The following MAP4K3 variants were observed in gnomAD, a reference collection of about 807,000 sequenced individuals.
MAP4K3 encodes the protein mitogen-activated protein kinase kinase kinase kinase 3, also known as MAPK/ERK kinase kinase kinase 3.
A neutral mutation model predicts 143.5 loss-of-function variants in MAP4K3; 94 were observed. The observed-to-expected ratio is 0.65, with a 90% confidence interval of 0.55 to 0.78. The LOEUF is 0.78. Ranked by LOEUF, MAP4K3 falls within the 30% of genes least tolerant of loss-of-function variation. The pLI is 0.00. For missense variants in MAP4K3, 1,077 were observed against 1,068.1 expected, an observed-to-expected ratio of 1.01 and a Z score of -0.12; for synonymous variants, 416 against 347.2, an observed-to-expected ratio of 1.20 and a Z score of -2.20.
intron 1 of MAP4K3, among the ~76,000 whole-genome samples, chr2:39,418,723 CAT>C (rs1208957116): frequency 1.3e-5 from 2 of 150,372 alleles, no homozygotes; most frequent in African/African-American, 4.9e-5. Flanking sequence ...GCAATCTAAC[CAT>C]GAGAAAAAAA....
intron 1 of MAP4K3, among the ~76,000 whole-genome samples, chr2:39,414,672 G>A (rs895652619): frequency 2.6e-5 from 4 of 152,086 alleles, no homozygotes; most frequent in Admixed American, 1.3e-4. Context: ...TCAGGAGATC[G>A]AGACCATCCT....
chr2:39,361,302 C>T (rs947678901), intron 2 of MAP4K3, among the ~76,000 whole-genome samples: 3 of 151,924 alleles, frequency 2.0e-5, no homozygotes, highest in African/African-American at 4.8e-5. Flanking sequence ...CAATTCTATG[C>T]CCCCTTACTC....
chr2:39,325,632 T>C lies in MAP4K3; in HGVS notation c.808-4A>G. On this transcript the variant is annotated splice_polypyrimidine_tract_variant and splice_region_variant and intron_variant, in intron 11 of 33. Transcript: ENST00000263881. Reference sequence around the variant, plus strand: ...AATGTTGTGTTACAAAAGGATGCTATAAAAATTAAATACAATGCAGAACAC... The same window carrying C: ...AATGTTGTGTTACAAAAGGATGCTACAAAAATTAAATACAATGCAGAACAC... 1 of 1,606,824 alleles carries C rather than the reference T, an allele frequency of 6.2e-7. No individual in the cohort carries two copies. Among genetic ancestry groups the C allele is most frequent in the Non-Finnish European group, 8.5e-7 (1 of 1,174,018 alleles).
chr2:39,352,706 G>A (rs1369849476), intron 3 of MAP4K3, among the ~76,000 whole-genome samples: 1 of 152,084 alleles, frequency 6.6e-6, no homozygotes, highest in African/African-American at 2.4e-5. Flanking sequence ...TAGAAGCTCA[G>A]TTTCAGTATT....
chr2:39,415,980 A>AAAATATATAT (rs1553318573), intron 1 of MAP4K3, among the ~76,000 whole-genome samples: 8 of 14,744 alleles, frequency 5.4e-4, no homozygotes, highest in Admixed American at 7.2e-4. Flanking sequence ...AAAAAAAAAA[A>AAAATATATAT]ATATATATAT....
At chr2:39,272,102 CA>C (rs1209084688) in intron 26 of MAP4K3, 180 bp downstream of exon 26, 12 of 453,236 alleles carry the variant, frequency 2.6e-5, no homozygotes, top group African/African-American at 2.0e-4. Context: ...TTTGAAAGTA[CA>C]AAGTAGAAAA....
intron 17 of MAP4K3, among the ~76,000 whole-genome samples, 183 bp downstream of exon 17, chr2:39,293,047 T>A (rs1201685202): frequency 6.6e-6 from 1 of 151,776 alleles, no homozygotes; most frequent in Non-Finnish European, 1.5e-5. Context: ...AGCCCAGGAG[T>A]TCAAGGCTGC....
At chr2:39,372,597 A>G (rs1489731382) in intron 2 of MAP4K3, among the ~76,000 whole-genome samples, 1 of 152,146 alleles carries the variant, frequency 6.6e-6, no homozygotes, top group East Asian at 1.9e-4. Flanking sequence ...AGATACATAG[A>G]TCAGTGAACA....
intron 1 of MAP4K3, among the ~76,000 whole-genome samples, chr2:39,415,682 T>C (rs1331099943): frequency 6.6e-6 from 1 of 151,794 alleles, no homozygotes; most frequent in African/African-American, 2.4e-5. Flanking sequence ...CCAGGCACGG[T>C]GGCTCACGCC....
intron 15 of MAP4K3, among the ~76,000 whole-genome samples, chr2:39,302,710 A>C (rs1558633917): frequency 6.6e-6 from 1 of 152,252 alleles, no homozygotes; most frequent in Non-Finnish European, 1.5e-5. Context: ...AGCATAAAAA[A>C]AGTTAGTAGC....
chr2:39,272,508 A>G lies in MAP4K3; in HGVS notation c.1829T>C (p.Met610Thr). 1 of 1,613,600 alleles carries G rather than the reference A, an allele frequency of 6.2e-7. No homozygotes were observed. Among genetic ancestry groups the G allele is most frequent in the South Asian group, 1.1e-5 (1 of 91,064 alleles). The change falls in exon 25 of 34, where the codon ATG becomes ACG. Residue 610 changes from methionine to threonine, a missense_variant. This residue lies in a region of MAP4K3 where 864 missense variants were observed against 801.2 expected (regional missense o/e 1.08). Coordinates refer to ENST00000263881, the MANE Select transcript of MAP4K3 (RefSeq NM_003618.4). ...AGATATTGATAGCAAGCAATTGTTC[A>G]TTACATACAACCATGTACACCTTCG... is the stretch of plus-strand genomic sequence containing the variant. Reference protein sequence around the residue: ...FPRRCTWLYVMNNCLLSISGK... With the variant: ...FPRRCTWLYVTNNCLLSISGK...
intron 1 of MAP4K3, among the ~76,000 whole-genome samples, chr2:39,405,376 C>CT (rs1332264725): frequency 6.6e-6 from 1 of 152,178 alleles, no homozygotes; most frequent in Non-Finnish European, 1.5e-5. Context: ...TTGGGTTGTC[C>CT]TTTACTGCAG....
intron 3 of MAP4K3, among the ~76,000 whole-genome samples, chr2:39,343,976 G>T (rs1270795934): frequency 6.6e-6 from 1 of 152,116 alleles, no homozygotes; most frequent in Non-Finnish European, 1.5e-5. Context: ...TATAGTCATA[G>T]GAGAAATAAT....
At chr2:39,420,072 C>T (rs188309818) in intron 1 of MAP4K3, among the ~76,000 whole-genome samples, 8 of 152,282 alleles carry the variant, frequency 5.3e-5, no homozygotes, top group South Asian at 4.1e-4. Flanking sequence ...AGTATGAACC[C>T]CCTGGCCTAG....
intron 1 of MAP4K3, among the ~76,000 whole-genome samples, chr2:39,432,049 T>C (rs1558355167): frequency 1.3e-5 from 2 of 152,222 alleles, no homozygotes. Context: ...TCTCAAACTA[T>C]GACAGCTAAT....
chr2:39,260,412 T>C (rs1244253647), intron 29 of MAP4K3, among the ~76,000 whole-genome samples, 194 bp downstream of exon 29: 1 of 152,174 alleles, frequency 6.6e-6, no homozygotes, highest in African/African-American at 2.4e-5. Flanking sequence ...CACCATGCCC[T>C]GCCAGCCAAT....
At chr2:39,333,648 C>T in intron 6 of MAP4K3, 74 bp from the exon 7 acceptor site, 2 of 763,534 alleles carry the variant, frequency 2.6e-6, no homozygotes, top group Non-Finnish European at 4.3e-6. Flanking sequence ...AATAAATATA[C>T]ATATTTAAAA....
chr2:39,345,958 C>T (rs1390270708), intron 3 of MAP4K3, among the ~76,000 whole-genome samples: 1 of 149,048 alleles, frequency 6.7e-6, no homozygotes, highest in Non-Finnish European at 1.5e-5. Flanking sequence ...AGAGTGAAGC[C>T]CAAAATAAAT....
intron 23 of MAP4K3, among the ~76,000 whole-genome samples, chr2:39,279,862 G>C (rs1681439689): frequency 6.6e-6 from 1 of 152,088 alleles, no homozygotes; most frequent in African/African-American, 2.4e-5. Context: ...CTGAGGCAGG[G>C]GGATTGCATA....
Sources: gnomAD v4.1 joint callset for allele counts (sites outside exome capture counted in the v4.1 genomes callset) on GRCh38, gnomAD v4.1.1 for gene constraint, gnomAD v4.1.1 regional missense constraint, MANE v1.5 for transcripts, NCBI Gene and HGNC (gene_info 2026-07-23, HGNC 2026-07-21) for gene names.